The following MAP4K3 variants were observed in gnomAD, a reference collection of about 807,000 sequenced individuals.
The protein encoded by MAP4K3 is MAPK/ERK kinase kinase kinase 3.
In MAP4K3, 94 loss-of-function variants were observed where a neutral mutation model predicts 143.5. The ratio of observed to expected loss-of-function variants is 0.65; its 90% CI spans 0.55 to 0.78. The LOEUF (loss-of-function observed/expected upper bound fraction) is 0.78. Among genes scored for constraint, MAP4K3 ranks in the 30% least tolerant of loss-of-function variants. The probability of loss-of-function intolerance (pLI) is 0.00; values close to 1 mark genes in which losing one functional copy is unlikely to be tolerated. For missense variants in MAP4K3, 1,077 were observed against 1,068.1 expected (o/e 1.01, Z -0.12); for synonymous variants, 416 against 347.2 (o/e 1.20, Z -2.20).
chr2:39,412,831 C>T (rs1319907420), intron 1 of MAP4K3, among the ~76,000 whole-genome samples: 1 of 151,516 alleles, frequency 6.6e-6, no homozygotes, highest in Non-Finnish European at 1.5e-5. Flanking sequence ...ATTACATGTC[C>T]AAGATTAAAA....
rs1387111025 is a variant in MAP4K3, at chr2:39,251,902, C to T, written c.2542-17G>A. ...TTGTGTTACCTGTTCAATTAAAACA[C>T]AAATTTAATTTCTGAAATTAAAGAC... On this transcript the variant is annotated splice_polypyrimidine_tract_variant and intron_variant, in intron 32 of 33. Transcript: ENST00000263881. The T allele has an allele frequency of 1.3e-6, 2 of 1,596,038 alleles. No homozygotes were observed. The highest frequency in any genetic ancestry group is 1.7e-6 in the Non-Finnish European group (2 of 1,165,470).
intron 3 of MAP4K3, among the ~76,000 whole-genome samples, chr2:39,350,838 C>G (rs1375027591): frequency 2.6e-5 from 4 of 152,112 alleles, no homozygotes; most frequent in African/African-American, 9.7e-5. Context: ...GCCCATATCT[C>G]CACAACCTTA....
At chr2:39,346,423 T>TA (rs964338703) in intron 3 of MAP4K3, among the ~76,000 whole-genome samples, 15 of 151,468 alleles carry the variant, frequency 9.9e-5, no homozygotes, top group African/African-American at 2.2e-4. Flanking sequence ...ATCTTATACT[T>TA]AAAAAAAAAT....
intron 1 of MAP4K3, among the ~76,000 whole-genome samples, chr2:39,431,660 A>C (rs953261703): frequency 6.6e-6 from 1 of 152,234 alleles, no homozygotes; most frequent in African/African-American, 2.4e-5. Flanking sequence ...CAGCAAGCTA[A>C]AAACCCTGAG....
intron 20 of MAP4K3, among the ~76,000 whole-genome samples, chr2:39,287,473 T>A (rs1681843311): frequency 6.7e-6 from 1 of 148,928 alleles, no homozygotes; most frequent in Admixed American, 6.7e-5. Context: ...AATTTTGTAT[T>A]TTTTTTTTTA....
At chr2:39,349,511 G>A (rs962541483) in intron 3 of MAP4K3, among the ~76,000 whole-genome samples, 4 of 152,104 alleles carry the variant, frequency 2.6e-5, no homozygotes, top group Admixed American at 6.6e-5. Flanking sequence ...AGAAACCACC[G>A]TATAGTTAAA....
At chr2:39,336,620 CTT>C (rs1032502392) in intron 6 of MAP4K3, among the ~76,000 whole-genome samples, 9 of 150,850 alleles carry the variant, frequency 6.0e-5, no homozygotes, top group African/African-American at 1.9e-4. Flanking sequence ...AAAACTATAA[CTT>C]GATGAAAGCT....
chr2:39,373,121 T>C (rs1386124496), intron 2 of MAP4K3, among the ~76,000 whole-genome samples: 1 of 152,126 alleles, frequency 6.6e-6, no homozygotes, highest in Non-Finnish European at 1.5e-5. Flanking sequence ...AATTTAAAAA[T>C]GGGCAAAAGA....
chr2:39,409,667 G>A (rs1030251109), intron 1 of MAP4K3, among the ~76,000 whole-genome samples: 12 of 152,118 alleles, frequency 7.9e-5, no homozygotes, highest in African/African-American at 2.9e-4. Context: ...GAAAAATAAA[G>A]CATAGTAGAT....
intron 8 of MAP4K3, among the ~76,000 whole-genome samples, chr2:39,329,303 C>G (rs1558649566): frequency 6.6e-6 from 1 of 152,074 alleles, no homozygotes; most frequent in Admixed American, 6.5e-5. Flanking sequence ...TCTGCTCAAC[C>G]CAAAACAATA....
intron 8 of MAP4K3, among the ~76,000 whole-genome samples, chr2:39,326,498 G>A (rs1683494130): frequency 6.6e-6 from 1 of 152,148 alleles, no homozygotes; most frequent in Admixed American, 6.5e-5. Flanking sequence ...CAGGCTTATA[G>A]GTGGAAGGGA....
intron 4 of MAP4K3, among the ~76,000 whole-genome samples, chr2:39,339,788 C>T (rs540999015): frequency 1.3e-5 from 2 of 152,092 alleles, no homozygotes; most frequent in South Asian, 4.1e-4. Context: ...ACAATGAGGT[C>T]ACCAGGATCC....
chr2:39,347,076 C>A (rs1014805544), intron 3 of MAP4K3, among the ~76,000 whole-genome samples: 2 of 152,114 alleles, frequency 1.3e-5, no homozygotes, highest in African/African-American at 4.8e-5. Context: ...AAGAAATTAT[C>A]TGCTCTTTAC....
chr2:39,372,061 C>T (rs1043637505), intron 2 of MAP4K3, among the ~76,000 whole-genome samples: 8 of 151,700 alleles, frequency 5.3e-5, no homozygotes, highest in African/African-American at 1.9e-4. Context: ...CACCAAAAAA[C>T]TATTAAACTG....
intron 8 of MAP4K3, among the ~76,000 whole-genome samples, chr2:39,329,761 G>A (rs950332691): frequency 2.0e-5 from 3 of 152,158 alleles, no homozygotes; most frequent in Non-Finnish European, 2.9e-5. Flanking sequence ...GTAGAAGTAC[G>A]TATATAGAAC....
At chr2:39,392,309 T>G (rs1482701599) in intron 1 of MAP4K3, among the ~76,000 whole-genome samples, 1 of 152,020 alleles carries the variant, frequency 6.6e-6, no homozygotes, top group East Asian at 1.9e-4. Context: ...AAATGTTAAG[T>G]GAAAAATGCA....
chr2:39,436,850 C>T (rs1329349134), intron 1 of MAP4K3, 42 bp downstream of exon 1: 26 of 1,549,016 alleles, frequency 1.7e-5, no homozygotes, highest in Non-Finnish European at 2.0e-5. Flanking sequence ...GGCTGCGGGT[C>T]GGGATCCCAC....
chr2:39,424,945 C>G (rs1481395447), intron 1 of MAP4K3, among the ~76,000 whole-genome samples: 1 of 151,504 alleles, frequency 6.6e-6, no homozygotes, highest in Non-Finnish European at 1.5e-5. Flanking sequence ...AGAGTCATTG[C>G]TCTTTTGATT....
intron 20 of MAP4K3, among the ~76,000 whole-genome samples, 172 bp downstream of exon 20, chr2:39,287,945 TCCTG>T (rs1337168139): frequency 2.4e-4 from 37 of 152,192 alleles, no homozygotes; most frequent in African/African-American, 8.9e-4. Context: ...TCATAGGGAA[TCCTG>T]TCATAAAAAC....
Sources: gnomAD v4.1 joint callset for allele counts (sites outside exome capture counted in the v4.1 genomes callset) on GRCh38, gnomAD v4.1.1 for gene constraint, MANE v1.5 for transcripts, NCBI Gene and HGNC (gene_info 2026-07-23, HGNC 2026-07-21) for gene names.